Variants in TJP1 observed in about 807,000 individuals in gnomAD.
TJP1 encodes tight junction protein 1.
A neutral mutation model predicts 194.2 loss-of-function variants in TJP1; 43 were observed. That is an observed-to-expected ratio of 0.22 (90% CI 0.17 to 0.29). The LOEUF is 0.29. Ranked by LOEUF, TJP1 falls within the 10% of genes least tolerant of loss-of-function variation. The pLI, the probability that TJP1 is intolerant of heterozygous loss-of-function variation, is 1.00. For synonymous variants in TJP1, 801 were observed against 779.0 expected, an observed-to-expected ratio of 1.03 and a Z score of -0.47; for missense variants, 1,971 against 2,185.7, an observed-to-expected ratio of 0.90 and a Z score of 1.96.
At chr15:29,912,098 C>A (rs116546805) in intron 2 of TJP1, among the ~76,000 whole-genome samples, 1 of 152,124 alleles carries the variant, frequency 6.6e-6, no homozygotes, top group African/African-American at 2.4e-5. Flanking sequence ...TGGAGAGGCC[C>A]GCTTCCTGCT....
chr15:29,796,577 T>C (rs2048427154), intron 2 of TJP1, among the ~76,000 whole-genome samples: 1 of 152,186 alleles, frequency 6.6e-6, no homozygotes, highest in Admixed American at 6.5e-5. Context: ...ATTGTTAAAA[T>C]GTTAATTATC....
intron 2 of TJP1, among the ~76,000 whole-genome samples, chr15:29,791,952 G>T (rs1020169852): frequency 1.3e-5 from 2 of 151,874 alleles, no homozygotes; most frequent in African/African-American, 4.8e-5. Context: ...TTGTGCTTCA[G>T]ATCTTTTGCC....
intron 2 of TJP1, among the ~76,000 whole-genome samples, chr15:29,906,476 TAAATAAATAA>T (rs1016778405): frequency 1.4e-5 from 2 of 147,070 alleles, no homozygotes; most frequent in Non-Finnish European, 3.0e-5. Context: ...TCAAAATAAA[TAAATAAATAA>T]ATAAATAAAT....
upstream of TJP1, among the ~76,000 whole-genome samples, chr15:29,824,768 T>C (rs71470921): frequency 8.6e-3 from 1,316 of 152,336 alleles, 9 homozygotes; most frequent in Non-Finnish European, 0.014. Flanking sequence ...TATCTACAAA[T>C]GCACTGACAT....
In TJP1 at chr15:29,761,226, G is replaced by C; in HGVS notation, c.923C>G (p.Pro308Arg). The C allele has an allele frequency of 6.2e-7, 1 of 1,614,096 alleles. No homozygotes were observed. Among genetic ancestry groups the C allele is most frequent in the Non-Finnish European group, 8.5e-7 (1 of 1,180,000 alleles). ...DHSGRSHDRP[P>R]RRSRSRSPDQ... Reference sequence around the variant, plus strand: ...AGGAGATCGTGACCGGCTGCGGCGGGGAGGCCTATCGTGTGATCGACCAGA... The same window carrying C: ...AGGAGATCGTGACCGGCTGCGGCGGCGAGGCCTATCGTGTGATCGACCAGA... The change falls in exon 8 of 28, where the codon CCC becomes CGC. Residue 308 changes from proline (P) to arginine (R), a missense_variant. By Grantham distance (103) the Pro-to-Arg change is moderately radical. This residue lies in a region of TJP1 where 192 missense variants were observed against 182.3 expected (regional missense o/e 1.05). Transcript: ENST00000614355.
chr15:29,924,849 G>A (rs181654422), intron 2 of TJP1, among the ~76,000 whole-genome samples: 1 of 152,316 alleles, frequency 6.6e-6, no homozygotes, highest in Non-Finnish European at 1.5e-5. Flanking sequence ...AGGAATGCTG[G>A]GAATGCTGGT....
At chr15:29,719,172 T>C in intron 20 of TJP1, 34 bp from the exon 21 acceptor site, 1 of 1,529,500 alleles carries the variant, frequency 6.5e-7, no homozygotes, top group East Asian at 2.3e-5. Flanking sequence ...GGACAAAGTC[T>C]TGTTTCTAAT....
At chr15:29,856,789 C>T (rs967404881) in intron 2 of TJP1, among the ~76,000 whole-genome samples, 6 of 151,050 alleles carry the variant, frequency 4.0e-5, no homozygotes, top group Admixed American at 1.3e-4. Flanking sequence ...CTGGCTAACA[C>T]GGTGAAACCC....
chr15:29,795,347 G>A lies in TJP1; in HGVS notation c.84+5299C>T, dbSNP rs1353085305. Among the ~76,000 whole-genome samples the A allele has an allele frequency of 7.3e-5, 11 of 150,808 alleles. No homozygotes were observed. The South Asian group carries it at 8.4e-4, about 11-fold the overall frequency. On this transcript the variant is annotated intron_variant, in intron 2 of 27. Coordinates refer to ENST00000614355, the MANE Select transcript of TJP1 (RefSeq NM_001330239.4). ...CTGAGGCAGGAGAATCGCTTCAACC[G>A]CAGAGGTTGCAGTGAGCCATGATGG...
intron 24 of TJP1, among the ~76,000 whole-genome samples, chr15:29,709,489 A>T (rs1354466878): frequency 2.0e-5 from 3 of 152,236 alleles, no homozygotes; most frequent in East Asian, 1.9e-4. Flanking sequence ...ATGCACTGCC[A>T]GCCACAGTGT....
Position 29,708,962 on chromosome 15 carries a change from C to T in TJP1, c.4447G>A (p.Ala1483Thr), listed in dbSNP as rs1265417228. Reference sequence around the variant, plus strand: ...TCTCGGTTTGGTGGTCTGAAAGTTGCTGGCTTATTCTGAGATGGAGGTGGG... The same window carrying T: ...TCTCGGTTTGGTGGTCTGAAAGTTGTTGGCTTATTCTGAGATGGAGGTGGG... ...PDPPPSQNKP[A>T]TFRPPNREDT... is the part of the protein sequence containing the mutation. Residue 1483 changes from alanine to threonine, a missense_variant, in exon 25 of 28, where the codon GCA becomes ACA. Ala to Thr is a moderately conservative substitution (Grantham distance 58). Around this residue, in one of 5 missense-constraint regions of TJP1, gnomAD observed 1,108 missense variants for 1,128.5 expected, o/e 0.98. Transcript: ENST00000614355. The T allele has an allele frequency of 1.9e-6, 3 of 1,614,046 alleles. No homozygotes were observed. The highest frequency in any genetic ancestry group is 1.6e-4 in the Middle Eastern group (1 of 6,084).
At chr15:29,901,836 A>G (rs867766689) in intron 2 of TJP1, among the ~76,000 whole-genome samples, 8 of 151,822 alleles carry the variant, frequency 5.3e-5, no homozygotes, top group Admixed American at 1.3e-4. Flanking sequence ...AAAAAAAAAA[A>G]AGTGTCACTT....
intron 10 of TJP1, 125 bp from the exon 11 acceptor site, chr15:29,737,539 C>A: frequency 1.1e-6 from 1 of 942,464 alleles, no homozygotes; most frequent in African/African-American, 1.7e-5. Flanking sequence ...TCTCTCATAC[C>A]ACTATTTTAC....
intron 2 of TJP1, among the ~76,000 whole-genome samples, chr15:29,847,902 A>G (rs1359473483): frequency 6.6e-6 from 1 of 152,128 alleles, no homozygotes; most frequent in Non-Finnish European, 1.5e-5. Flanking sequence ...TGTTTTCAAC[A>G]TATGTTTTTA....
intron 8 of TJP1, among the ~76,000 whole-genome samples, chr15:29,757,872 A>G (rs1420886184): frequency 6.6e-6 from 1 of 152,156 alleles, no homozygotes; most frequent in Non-Finnish European, 1.5e-5. Context: ...CTTACACTCG[A>G]ATTTTCTTCC....
intron 2 of TJP1, among the ~76,000 whole-genome samples, chr15:29,869,458 AAAATT>A (rs1314712703): frequency 1.3e-5 from 2 of 152,188 alleles, no homozygotes; most frequent in Non-Finnish European, 2.9e-5. Flanking sequence ...AGTGTTTATC[AAAATT>A]TAGAAAACAT....
chr15:29,968,424 G>A, intron 1 of TJP1: 1 of 984,104 alleles, frequency 1.0e-6, no homozygotes, highest in Non-Finnish European at 1.2e-6. Flanking sequence ...CCTACGCGCC[G>A]CGGGCACAGC....
rs145456604 is a variant in TJP1, at chr15:29,938,710, A to G, written c.306+17522T>C. Among the ~76,000 whole-genome samples the G allele has an allele frequency of 5.7e-4, 87 of 152,382 alleles. No individual in the cohort carries two copies. In the East Asian group the frequency reaches 0.016, roughly 28 times the overall value. On this transcript the variant is annotated intron_variant, in intron 2 of 28. Transcript: ENST00000356107. ...ATCAATTGCTTCCAGCAATTCGAAC[A>G]ATGAAAATAACTTTAAATTGGAAAG...
In TJP1 at chr15:29,854,866, A is replaced by G. The variant is rs190105303; in HGVS notation, c.307-54164T>C. Among the ~76,000 whole-genome samples, 9 of 152,316 alleles carry G rather than the reference A, an allele frequency of 5.9e-5. No individual in the cohort carries two copies. The East Asian group carries it at 1.7e-3, about 29-fold the overall frequency. On this transcript the variant is annotated intron_variant, in intron 2 of 28. Transcript: ENST00000356107. ...TGGCCTTGAATTCAGAATAAACAAGAAACAGCCAAATAGAAAGCTATCATT... is the reference window on the plus strand; with the variant it reads ...TGGCCTTGAATTCAGAATAAACAAGGAACAGCCAAATAGAAAGCTATCATT...
Sources: gnomAD v4.1 joint callset for allele counts (sites outside exome capture counted in the v4.1 genomes callset) on GRCh38, gnomAD v4.1.1 for gene constraint, gnomAD v4.1.1 regional missense constraint, MANE v1.5 for transcripts, NCBI Gene and HGNC (gene_info 2026-07-23, HGNC 2026-07-21) for gene names.